Variants in TMEM135 observed in about 807,000 individuals in gnomAD.
TMEM135 encodes the protein transmembrane protein 135.
TMEM135 carries 30 observed loss-of-function variants against 60.3 expected under a neutral mutation model. That is an observed-to-expected ratio of 0.50 (90% CI 0.37 to 0.68). The LOEUF is 0.68. Among genes scored for constraint, TMEM135 ranks in the 30% least tolerant of loss-of-function variants. The pLI is 0.00. For missense variants in TMEM135, 468 were observed against 548.8 expected (o/e 0.85, Z 1.47); for synonymous variants, 190 against 186.7 (o/e 1.02, Z -0.14).
chr11:87,167,661 C>T (rs1374360910), intron 5 of TMEM135, among the ~76,000 whole-genome samples: 2 of 152,106 alleles, frequency 1.3e-5, no homozygotes, highest in African/African-American at 2.4e-5. Flanking sequence ...ATGAAGCTGA[C>T]TTGATCATGG....
chr11:87,099,629 A>G (rs1290184360), intron 4 of TMEM135, among the ~76,000 whole-genome samples: 1 of 149,202 alleles, frequency 6.7e-6, no homozygotes, highest in East Asian at 2.0e-4. Context: ...TCTGGGATAA[A>G]TGCCCATTAG....
intron 12 of TMEM135, among the ~76,000 whole-genome samples, chr11:87,316,155 C>T (rs1942724494): frequency 6.6e-6 from 1 of 151,952 alleles, no homozygotes; most frequent in Admixed American, 6.6e-5. Context: ...GAGAATCTCC[C>T]TCCCCTTGCT....
At chr11:87,076,387 A>G (rs1372026792) in intron 3 of TMEM135, among the ~76,000 whole-genome samples, 2 of 152,174 alleles carry the variant, frequency 1.3e-5, no homozygotes, top group Admixed American at 1.3e-4. Context: ...CTCTTCAGTC[A>G]GCCTGTAGTA....
At chr11:87,119,885 T>TGAAA (rs1565449060) in intron 4 of TMEM135, among the ~76,000 whole-genome samples, 2 of 149,010 alleles carry the variant, frequency 1.3e-5, no homozygotes, top group Non-Finnish European at 1.5e-5. Context: ...TTTACTTTTT[T>TGAAA]AAAAAAAAAA....
At position 87,318,003 on chromosome 11, in the gene TMEM135, A is replaced by G. The variant is rs1942760606; in HGVS notation, c.1078-134A>G. On this transcript the variant is annotated intron_variant, in intron 12 of 14. Transcript: ENST00000305494. ...GGCTGACCCTTAACATCATTATGAA[A>G]AATGTGACATCGTTTGAGCTCTGAA... 32 of 709,644 alleles carry G rather than the reference A, an allele frequency of 4.5e-5. No homozygotes were observed. The South Asian group carries it at 5.2e-4, about 11-fold the overall frequency. The allele number at this position is 709,644 out of a possible 1,614,324, so 44.0% of individuals were successfully genotyped here. A position where few individuals can be genotyped will look rare whatever the true frequency, so the allele number is the denominator to read the frequency against.
At chr11:87,312,617 C>T (rs1942659344) in intron 10 of TMEM135, among the ~76,000 whole-genome samples, 1 of 151,908 alleles carries the variant, frequency 6.6e-6, no homozygotes, top group Admixed American at 6.6e-5. Context: ...TATAAATGAA[C>T]AAGTGTGGCT....
intron 1 of TMEM135, among the ~76,000 whole-genome samples, chr11:87,052,912 C>G (rs1590980654): frequency 2.3e-5 from 2 of 86,634 alleles, no homozygotes; most frequent in East Asian, 4.2e-4. Context: ...TTGGAACCAA[C>G]CCAAATGTCC....
intron 5 of TMEM135, among the ~76,000 whole-genome samples, chr11:87,189,098 C>T (rs112154525): frequency 0.014 from 1,753 of 129,094 alleles, 28 homozygotes; most frequent in South Asian, 0.051. Flanking sequence ...CTTCCTTTTC[C>T]GTTTCCCTTT....
chr11:87,134,764 G>C (rs528887598), intron 4 of TMEM135, among the ~76,000 whole-genome samples: 38 of 152,286 alleles, frequency 2.5e-4, no homozygotes, highest in African/African-American at 7.9e-4. Flanking sequence ...GGGACTACAG[G>C]CGTGTGCAAC....
At chr11:87,245,189 A>C (rs536965287) in intron 6 of TMEM135, among the ~76,000 whole-genome samples, 1 of 151,208 alleles carries the variant, frequency 6.6e-6, no homozygotes, top group Non-Finnish European at 1.5e-5. Context: ...CCTGAGTTCT[A>C]ATTTGATTGC....
In TMEM135 at chr11:87,302,382, A is replaced by G; in HGVS notation, c.638A>G (p.His213Arg). ...YAKVEQKREQ[H>R]EEKPGRMNMI... ...AAAGTGGAACAAAAGAGAGAGCAAC[A>G]TGAGGAAAAACCCGGAAGAATGAAT... Residue 213 changes from histidine to arginine, a missense_variant, in exon 8 of 15, where the codon CAT (histidine) becomes CGT (arginine). By Grantham distance (29) the His-to-Arg change is conservative. Coordinates refer to ENST00000305494, the MANE Select transcript of TMEM135 (RefSeq NM_022918.4). 1 of 1,613,970 alleles carries G rather than the reference A, an allele frequency of 6.2e-7. No homozygotes were observed. Among genetic ancestry groups the G allele is most frequent in the Non-Finnish European group, 8.5e-7 (1 of 1,179,944 alleles).
At chr11:87,274,164 A>C (rs1591160036) in intron 6 of TMEM135, among the ~76,000 whole-genome samples, 1 of 152,200 alleles carries the variant, frequency 6.6e-6, no homozygotes, top group African/African-American at 2.4e-5. Context: ...GTATGTCGAC[A>C]AAACTTTCAG....
chr11:87,114,209 A>G (rs1857821512), intron 4 of TMEM135, among the ~76,000 whole-genome samples: 1 of 152,164 alleles, frequency 6.6e-6, no homozygotes, highest in Non-Finnish European at 1.5e-5. Context: ...GAGAAAAATA[A>G]CAGATCCTAG....
intron 3 of TMEM135, among the ~76,000 whole-genome samples, chr11:87,081,345 G>A (rs904250844): frequency 1.4e-5 from 2 of 147,654 alleles, no homozygotes; most frequent in South Asian, 2.1e-4. Context: ...TTTTTTTTTC[G>A]TTATTTTCTT....
At chr11:87,205,974 C>T (rs1283801479) in intron 5 of TMEM135, among the ~76,000 whole-genome samples, 1 of 152,114 alleles carries the variant, frequency 6.6e-6, no homozygotes, top group Admixed American at 6.6e-5. Flanking sequence ...AGTATGAGGA[C>T]TCACTTTCTT....
chr11:87,072,445 A>G (rs965104840), intron 3 of TMEM135, among the ~76,000 whole-genome samples: 1 of 151,940 alleles, frequency 6.6e-6, no homozygotes, highest in African/African-American at 2.4e-5. Flanking sequence ...CAGTGGTGCG[A>G]CCTCGACCCA....
At chr11:87,239,209 A>G (rs1426950890) in intron 6 of TMEM135, among the ~76,000 whole-genome samples, 1 of 152,074 alleles carries the variant, frequency 6.6e-6, no homozygotes, top group Non-Finnish European at 1.5e-5. Flanking sequence ...GGCTCAATAC[A>G]AGGTTTAAGT....
intron 6 of TMEM135, among the ~76,000 whole-genome samples, chr11:87,285,575 C>T (rs114743199): frequency 0.016 from 2,456 of 152,026 alleles, 77 homozygotes; most frequent in African/African-American, 0.056. Context: ...TTCATTCCAC[C>T]TGTTGGGTTC....
chr11:87,298,922 G>A (rs1204522907), intron 7 of TMEM135, among the ~76,000 whole-genome samples: 5 of 151,728 alleles, frequency 3.3e-5, no homozygotes, highest in Admixed American at 6.6e-5. Flanking sequence ...CCCGTCTTTA[G>A]TAAAAATACA....
Sources: allele counts gnomAD v4.1 joint callset (sites outside exome capture counted in the v4.1 genomes callset), GRCh38; gene constraint gnomAD v4.1.1; transcripts MANE v1.5; gene names NCBI Gene and HGNC (gene_info 2026-07-23, HGNC 2026-07-21).